Variants in FAM228A observed in about 807,000 individuals in gnomAD.
FAM228A encodes the protein family with sequence similarity 228 member A.
A neutral mutation model predicts 18.6 loss-of-function variants in FAM228A; 13 were observed. The ratio of observed to expected loss-of-function variants is 0.70; its 90% CI spans 0.45 to 1.11. FAM228A has a LOEUF of 1.11. Ranked by LOEUF, FAM228A falls within the 50% of genes least tolerant of loss-of-function variation. The pLI, the probability that FAM228A is intolerant of heterozygous loss-of-function variation, is 0.00. For synonymous variants in FAM228A, 77 were observed against 86.6 expected, an observed-to-expected ratio of 0.89 and a Z score of 0.61; for missense variants, 240 against 242.2, an observed-to-expected ratio of 0.99 and a Z score of 0.06.
intron 5 of FAM228A, among the ~76,000 whole-genome samples, chr2:24,188,903 C>G (rs1668017380): frequency 6.6e-6 from 1 of 152,140 alleles, no homozygotes; most frequent in African/African-American, 2.4e-5. Flanking sequence ...TTTTCATTCC[C>G]CATCCTGAGT....
intron 3 of FAM228A, among the ~76,000 whole-genome samples, chr2:24,182,557 A>G (rs1328167328): frequency 3.3e-5 from 5 of 152,164 alleles, no homozygotes; most frequent in African/African-American, 1.2e-4. Flanking sequence ...ACCCTTTGAC[A>G]CAAACTCATA....
chr2:24,180,433 C>G, intron 3 of FAM228A, among the ~76,000 whole-genome samples: 1 of 152,076 alleles, frequency 6.6e-6, no homozygotes, highest in East Asian at 1.9e-4. Context: ...TCCTGAGTGA[C>G]AGTGAGACCC....
intron 2 of FAM228A, 170 bp downstream of exon 2, chr2:24,175,743 AGT>A (rs1491208120): frequency 1.4e-6 from 1 of 728,172 alleles, no homozygotes; most frequent in East Asian, 3.1e-5. Context: ...TGTGGCCAAG[AGT>A]GTTTCCAGTC....
At chr2:24,179,082 T>C (rs2151041855) in intron 3 of FAM228A, 2 of 897,546 alleles carry the variant, frequency 2.2e-6, no homozygotes, top group Non-Finnish European at 2.8e-6. Flanking sequence ...CTTTATAATT[T>C]ATTTTCCTTT....
rs765789805 is a variant in FAM228A, at chr2:24,175,569, T to A, written c.89T>A (p.Met30Lys). The change falls in exon 2 of 6, where the codon ATG becomes AAG. Residue 30 changes from methionine (M) to lysine (K), a missense_variant. Coordinates refer to ENST00000295150, the MANE Select transcript of FAM228A (RefSeq NM_001040710.3). The part of the protein sequence containing the change: ...EWPEPESVSL[M>K]EVLAREDIDE... ...CCGGAGCCCGAGTCCGTTTCTTTAA[T>A]GGAGGTGAGATAACGTGGCGTTTTG... is the stretch of plus-strand genomic sequence containing the variant. 2 of 1,612,420 alleles carry A rather than the reference T, an allele frequency of 1.2e-6. No homozygotes were observed. Among genetic ancestry groups the A allele is most frequent in the Non-Finnish European group, 1.7e-6 (2 of 1,178,416 alleles).
chr2:24,189,939 G>A (rs949219311), intron 5 of FAM228A, among the ~76,000 whole-genome samples: 11 of 152,128 alleles, frequency 7.2e-5, no homozygotes, highest in African/African-American at 2.7e-4. Context: ...GGAGCCAGGC[G>A]CTCGGGGGAC....
intron 5 of FAM228A, among the ~76,000 whole-genome samples, chr2:24,187,648 C>T (rs969224536): frequency 6.6e-6 from 1 of 152,108 alleles, no homozygotes; most frequent in African/African-American, 2.4e-5. Context: ...ATTGTTTTGC[C>T]TTTTACAGAA....
chr2:24,175,376 C>T, intron 1 of FAM228A, 91 bp from the exon 2 acceptor site: 1 of 911,636 alleles, frequency 1.1e-6, no homozygotes, highest in Non-Finnish European at 1.8e-6. Context: ...AGAAAGGGGC[C>T]GAGCGGGATT....
chr2:24,190,811 A>C lies in FAM228A; in HGVS notation c.*180A>C. 7.7e-7 allele frequency: 1 copy of C among 1,299,368 alleles called. No individual in the cohort carries two copies. 80.5% of individuals were successfully genotyped at this position (1,299,368 alleles called of 1,614,324 possible). A position where few individuals can be genotyped will look rare whatever the true frequency, so the allele number is the denominator to read the frequency against. ...ATGAAGAAACTCAGACAAGTGGTAA[A>C]TGTGGGACCTGGACCCCACTTTCCG... On this transcript the variant is annotated 3_prime_UTR_variant, in exon 6 of 6. Transcript: ENST00000295150.
chr2:24,175,846 C>T (rs1175909923), intron 2 of FAM228A: 28 of 1,178,646 alleles, frequency 2.4e-5, no homozygotes, highest in Non-Finnish European at 2.7e-5. Flanking sequence ...CAGGTCTGGG[C>T]TTGCCAGTCA....
chr2:24,182,111 T>G (rs1267806025), intron 3 of FAM228A, among the ~76,000 whole-genome samples: 1 of 152,196 alleles, frequency 6.6e-6, no homozygotes, highest in South Asian at 2.1e-4. Context: ...CAGCACAGGC[T>G]GCCCGGGAGA....
intron 2 of FAM228A, chr2:24,176,103 G>A (rs1667684012): frequency 9.1e-6 from 9 of 985,200 alleles, no homozygotes; most frequent in Middle Eastern, 5.2e-4. Context: ...AAATCACAAA[G>A]AAGAGCCATC....
At chr2:24,179,157 GA>G in intron 3 of FAM228A, 1 of 1,165,468 alleles carries the variant, frequency 8.6e-7, no homozygotes, top group Non-Finnish European at 1.1e-6. Context: ...AAGGAAAGAA[GA>G]AAAGAGATGT....
chr2:24,175,799 C>A, intron 2 of FAM228A: 1 of 903,992 alleles, frequency 1.1e-6, no homozygotes, highest in Non-Finnish European at 1.5e-6. Flanking sequence ...GGCAGCCGGG[C>A]GGGTGAAGGC....
Position 24,190,277 on chromosome 2 carries a change from C to T in FAM228A, c.402-135C>T, listed in dbSNP as rs1186949744. On this transcript the variant is annotated intron_variant, in intron 5 of 5. Coordinates refer to ENST00000295150, the MANE Select transcript of FAM228A (RefSeq NM_001040710.3). ...ACAGGGCAGGCAGATTGAGGGACAG[C>T]CACCAGTGATGGCTGGTCAGTCGTT... 3 of 1,088,956 alleles carry T rather than the reference C, an allele frequency of 2.8e-6. No homozygotes were observed. In the South Asian group the frequency reaches 5.2e-5, roughly 19 times the overall value. The allele number at this position is 1,088,956 out of a possible 1,614,324, so 67.5% of individuals were successfully genotyped here.
chr2:24,185,628 TTATTTTATG>T (rs1375732889), intron 5 of FAM228A, among the ~76,000 whole-genome samples: 1 of 152,192 alleles, frequency 6.6e-6, no homozygotes, highest in Non-Finnish European at 1.5e-5. Flanking sequence ...AGTGTGGGTC[TTATTTTATG>T]TAAAGGAGTG....
chr2:24,186,884 C>T (rs1667961812), intron 5 of FAM228A, among the ~76,000 whole-genome samples: 1 of 152,214 alleles, frequency 6.6e-6, no homozygotes, highest in Non-Finnish European at 1.5e-5. Flanking sequence ...GATCCGCTCA[C>T]CTTGGCTTCC....
At chr2:24,177,078 G>T (rs1667709905) in intron 2 of FAM228A, among the ~76,000 whole-genome samples, 1 of 152,192 alleles carries the variant, frequency 6.6e-6, no homozygotes, top group Non-Finnish European at 1.5e-5. Flanking sequence ...GAACTAAAGG[G>T]AACTTTCTGT....
chr2:24,191,331 T>C lies in FAM228A; in HGVS notation c.*700T>C. The C allele has an allele frequency of 1.0e-6, 1 of 985,686 alleles. No homozygotes were observed. The highest frequency in any genetic ancestry group is 1.2e-6 in the Non-Finnish European group (1 of 830,128). 61.1% of individuals were successfully genotyped at this position (985,686 alleles called of 1,614,324 possible). ...CACACACAGGATGGGGGACTGCTGCTGCTTTCCAGCCTGTGAGCCTGGATA... is the reference window on the plus strand; with the variant it reads ...CACACACAGGATGGGGGACTGCTGCCGCTTTCCAGCCTGTGAGCCTGGATA... On this transcript the variant is annotated 3_prime_UTR_variant, in exon 6 of 6. Coordinates refer to ENST00000295150, the MANE Select transcript of FAM228A (RefSeq NM_001040710.3).
Sources: allele counts gnomAD v4.1 joint callset (sites outside exome capture counted in the v4.1 genomes callset), GRCh38; gene constraint gnomAD v4.1.1; transcripts MANE v1.5; gene names NCBI Gene and HGNC (gene_info 2026-07-23, HGNC 2026-07-21).